The following TMTC1 variants were observed in gnomAD, a reference collection of about 807,000 sequenced individuals.
The protein encoded by TMTC1 is protein O-mannosyl-transferase TMTC1.
Under a neutral mutation model 104.8 loss-of-function variants are expected in TMTC1, and 73 were observed. The ratio of observed to expected loss-of-function variants is 0.70; its 90% CI spans 0.58 to 0.85. TMTC1 has a LOEUF of 0.85. TMTC1 is among the 40% of genes least tolerant of loss of function. The pLI is 0.00. For missense variants in TMTC1, 1,035 were observed against 1,096.1 expected, an observed-to-expected ratio of 0.94 and a Z score of 0.79; for synonymous variants, 434 against 428.7, an observed-to-expected ratio of 1.01 and a Z score of -0.15.
At chr12:29,677,975 T>C (rs774901969) in intron 5 of TMTC1, among the ~76,000 whole-genome samples, 1 of 152,270 alleles carries the variant, frequency 6.6e-6, no homozygotes, top group Non-Finnish European at 1.5e-5. Flanking sequence ...AGCAATAGTA[T>C]GTCTAGGATT....
chr12:29,520,785 A>G, intron 11 of TMTC1, 65 bp from the exon 12 acceptor site: 1 of 1,325,388 alleles, frequency 7.5e-7, no homozygotes, highest in Non-Finnish European at 1.1e-6. Context: ...ATAACTGAAT[A>G]TTAGGAGCAG....
chr12:29,620,086 T>C (rs181164292), intron 6 of TMTC1, among the ~76,000 whole-genome samples: 1 of 152,354 alleles, frequency 6.6e-6, no homozygotes, highest in Non-Finnish European at 1.5e-5. Flanking sequence ...TAAAGGCTGA[T>C]ATTTCTACAA....
chr12:29,681,241 G>A (rs950307203), intron 5 of TMTC1, among the ~76,000 whole-genome samples: 3 of 152,034 alleles, frequency 2.0e-5, no homozygotes, highest in Admixed American at 6.5e-5. Context: ...AATAAAAACA[G>A]GTAAAGAAAA....
At position 29,524,399 on chromosome 12, in the gene TMTC1, TAG is replaced by T. The variant is rs1180300723; in HGVS notation, c.1786-3681_1786-3680del. 4.6e-5 allele frequency among the ~76,000 whole-genome samples: 7 copies of T among 152,238 alleles called. No homozygotes were observed. The East Asian group carries it at 1.4e-3, about 29-fold the overall frequency. ...AATGCATTTATTTACATGTAACAAA[TAG>T]AGTCAGTAATGGTACAGATTTTTTT... On this transcript the variant is annotated intron_variant, in intron 11 of 17. Coordinates refer to ENST00000539277, the MANE Select transcript of TMTC1 (RefSeq NM_001193451.2).
chr12:29,695,507 A>C (rs1393230347), intron 5 of TMTC1, among the ~76,000 whole-genome samples: 2 of 151,708 alleles, frequency 1.3e-5, no homozygotes, highest in Non-Finnish European at 2.9e-5. Context: ...GGGTTTCACC[A>C]TGTTGGCCAG....
intron 5 of TMTC1, among the ~76,000 whole-genome samples, chr12:29,655,377 A>T (rs997428875): frequency 6.6e-6 from 1 of 152,200 alleles, no homozygotes; most frequent in African/African-American, 2.4e-5. Flanking sequence ...TTTTTTTCCA[A>T]TGTACTGCAA....
At chr12:29,752,316 C>A (rs1943111698) in intron 4 of TMTC1, among the ~76,000 whole-genome samples, 1 of 152,032 alleles carries the variant, frequency 6.6e-6, no homozygotes, top group Non-Finnish European at 1.5e-5. Flanking sequence ...TCTGAGAAAC[C>A]ACTCAGTTAT....
intron 10 of TMTC1, among the ~76,000 whole-genome samples, chr12:29,542,250 T>A (rs578189902): frequency 1.0e-3 from 159 of 152,204 alleles, no homozygotes; most frequent in Middle Eastern, 0.01. Flanking sequence ...TGAATCCCTT[T>A]AAGAACTCAT....
At chr12:29,616,988 G>C (rs1167106967) in intron 6 of TMTC1, among the ~76,000 whole-genome samples, 1 of 152,082 alleles carries the variant, frequency 6.6e-6, no homozygotes, top group African/African-American at 2.4e-5. Flanking sequence ...AATATTGTTT[G>C]AACCAATGAG....
intron 6 of TMTC1, among the ~76,000 whole-genome samples, chr12:29,621,855 G>A (rs1184037493): frequency 6.6e-6 from 1 of 152,074 alleles, no homozygotes; most frequent in African/African-American, 2.4e-5. Flanking sequence ...GTGAGGAGCT[G>A]CATTAGCCCT....
intron 5 of TMTC1, among the ~76,000 whole-genome samples, chr12:29,699,167 T>C (rs1178246165): frequency 6.6e-6 from 1 of 152,194 alleles, no homozygotes; most frequent in Non-Finnish European, 1.5e-5. Flanking sequence ...GGAATTACTC[T>C]CTTTTAATAG....
intron 7 of TMTC1, among the ~76,000 whole-genome samples, chr12:29,603,264 T>C (rs1033168007): frequency 6.6e-5 from 10 of 152,144 alleles, no homozygotes; most frequent in African/African-American, 2.4e-4. Flanking sequence ...TGAAATTCAC[T>C]TCTAATTATA....
Position 29,783,864 on chromosome 12 carries a change from T to C in TMTC1, c.-113A>G. ...CCGGAGGGGGGCTCGGGCATGGTGC[T>C]GCGGCAGCTGGACCCGCCGCGAGCT... On this transcript the variant is annotated 5_prime_UTR_variant, in exon 1 of 18. Transcript: ENST00000539277. The surrounding 1 kb of genome is among the most constrained non-coding windows in gnomAD (Gnocchi z 4.7). 1.0e-6 allele frequency: 1 copy of C among 994,882 alleles called. No homozygotes were observed. Among genetic ancestry groups the C allele is most frequent in the Non-Finnish European group, 1.2e-6 (1 of 823,206 alleles). 61.6% of individuals were successfully genotyped at this position (994,882 alleles called of 1,614,324 possible).
chr12:29,508,670 T>A (rs1385729723), intron 17 of TMTC1, among the ~76,000 whole-genome samples: 1 of 151,940 alleles, frequency 6.6e-6, no homozygotes, highest in East Asian at 1.9e-4. Context: ...GCCTCCCGGG[T>A]TCAAACAGTT....
chr12:29,557,043 C>T, intron 9 of TMTC1, 43 bp from the exon 10 acceptor site: 1 of 1,604,166 alleles, frequency 6.2e-7, no homozygotes, highest in African/African-American at 1.3e-5. Context: ...TCAAAAACTT[C>T]TAAGTTGGGC....
intron 17 of TMTC1, among the ~76,000 whole-genome samples, chr12:29,511,186 T>TTATACA (rs1943824479): frequency 6.6e-6 from 1 of 152,234 alleles, no homozygotes. Flanking sequence ...CTAATATATT[T>TTATACA]TATACATATA....
chr12:29,573,812 C>T (rs1160023871), intron 8 of TMTC1, among the ~76,000 whole-genome samples: 2 of 152,020 alleles, frequency 1.3e-5, no homozygotes. Context: ...CCCTGTGAGT[C>T]ACACTGGAGA....
At chr12:29,727,307 TCA>T (rs1942420262) in intron 5 of TMTC1, among the ~76,000 whole-genome samples, 1 of 152,188 alleles carries the variant, frequency 6.6e-6, no homozygotes, top group African/African-American at 2.4e-5. Flanking sequence ...AGCCCCCAAC[TCA>T]CAGAGAGAAA....
At chr12:29,625,323 C>G (rs1377219870) in intron 6 of TMTC1, among the ~76,000 whole-genome samples, 1 of 152,188 alleles carries the variant, frequency 6.6e-6, no homozygotes, top group South Asian at 2.1e-4. Flanking sequence ...ATTATTCCCA[C>G]TTCGAGAGGT....
Sources: allele counts gnomAD v4.1 joint callset (sites outside exome capture counted in the v4.1 genomes callset), GRCh38; gene constraint gnomAD v4.1.1; non-coding constraint Gnocchi (gnomAD v3.1); transcripts MANE v1.5; gene names NCBI Gene and HGNC (gene_info 2026-07-23, HGNC 2026-07-21).